The following CPXM2 variants were observed in gnomAD, a reference collection of about 807,000 sequenced individuals.
CPXM2 encodes the protein carboxypeptidase X, M14 family member 2.
Under a neutral mutation model 86.1 loss-of-function variants are expected in CPXM2, and 66 were observed. That is an observed-to-expected ratio of 0.77 (90% CI 0.63 to 0.94). The LOEUF (loss-of-function observed/expected upper bound fraction) is 0.94, where lower values mean the gene tolerates loss of function less well. Ranked by LOEUF, CPXM2 falls within the 40% of genes least tolerant of loss-of-function variation. The pLI, the probability that CPXM2 is intolerant of heterozygous loss-of-function variation, is 0.00. For synonymous variants in CPXM2, 388 were observed against 400.2 expected (o/e 0.97, Z 0.36); for missense variants, 948 against 1,026.3 (o/e 0.92, Z 1.04).
In CPXM2 at chr10:123,844,067, T is replaced by C. The variant is rs1470801605; in HGVS notation, c.514-1579A>G. ...GAGAGCTCTTCCCAAAGATGACTCA[T>C]TGGGAAGTGACAGCCACCTCTGCAA... On this transcript the variant is annotated intron_variant, in intron 3 of 13. Transcript: ENST00000241305. 2.6e-5 allele frequency among the ~76,000 whole-genome samples: 4 copies of C among 152,110 alleles called. No individual in the cohort carries two copies. In the South Asian group the frequency reaches 8.3e-4, roughly 32 times the overall value.
At chr10:123,792,834 G>A (rs536873443) in intron 6 of CPXM2, among the ~76,000 whole-genome samples, 2 of 152,198 alleles carry the variant, frequency 1.3e-5, no homozygotes, top group East Asian at 3.9e-4. Context: ...CACACAAATC[G>A]GCATCAGTGG....
chr10:123,933,408 C>T (rs1056774353), intron 2 of CPXM2, among the ~76,000 whole-genome samples: 2 of 152,152 alleles, frequency 1.3e-5, no homozygotes, highest in African/African-American at 4.8e-5. Context: ...AATGATGTCA[C>T]CATATTTGAA....
At chr10:123,774,094 A>G (rs1453051388) in intron 7 of CPXM2, among the ~76,000 whole-genome samples, 3 of 152,176 alleles carry the variant, frequency 2.0e-5, no homozygotes, top group Admixed American at 2.0e-4. Context: ...ACCATGCAGT[A>G]AGGGCCAGAG....
chr10:123,907,690 CCCT>C (rs139650642), intron 2 of CPXM2, among the ~76,000 whole-genome samples: 9,870 of 136,124 alleles, frequency 0.073, 455 homozygotes, highest in Non-Finnish European at 0.093. Context: ...TAGATGCCCC[CCCT>C]CCCACAAGTT....
chr10:123,850,808 T>C (rs868309646), intron 3 of CPXM2, among the ~76,000 whole-genome samples: 2 of 152,152 alleles, frequency 1.3e-5, no homozygotes, highest in Admixed American at 6.5e-5. Context: ...GAAATTGTGG[T>C]GAAAGAAAAA....
At chr10:123,922,589 G>A (rs925012385) in intron 2 of CPXM2, among the ~76,000 whole-genome samples, 3 of 152,188 alleles carry the variant, frequency 2.0e-5, no homozygotes, top group African/African-American at 4.8e-5. Context: ...CCCTGAGTTT[G>A]CATAAGCAAA....
intron 4 of CPXM2, among the ~76,000 whole-genome samples, chr10:123,799,822 TG>T (rs750234337): frequency 6.6e-6 from 1 of 152,120 alleles, no homozygotes; most frequent in Non-Finnish European, 1.5e-5. Flanking sequence ...CAGAAATTTC[TG>T]GGGGTAAATT....
intron 2 of CPXM2, chr10:123,913,709 T>A: frequency 4.9e-6 from 1 of 206,148 alleles, no homozygotes; most frequent in East Asian, 1.3e-4. Flanking sequence ...AGACGAGGGG[T>A]GGGGAGCGAG....
intron 2 of CPXM2, among the ~76,000 whole-genome samples, chr10:123,870,418 G>T (rs534780974): frequency 2.6e-5 from 4 of 152,166 alleles, no homozygotes; most frequent in African/African-American, 9.7e-5. Flanking sequence ...GCGCTGCCAA[G>T]AACAAACTCA....
intron 10 of CPXM2, 32 bp downstream of exon 10, chr10:123,766,941 C>A: frequency 6.3e-7 from 1 of 1,576,828 alleles, no homozygotes; most frequent in Non-Finnish European, 8.7e-7. Flanking sequence ...TTGCCTTTGG[C>A]TGCTTTACAG....
At chr10:123,876,732 G>T (rs1031098054) in intron 2 of CPXM2, among the ~76,000 whole-genome samples, 2 of 152,156 alleles carry the variant, frequency 1.3e-5, no homozygotes, top group African/African-American at 4.8e-5. Context: ...AAGTTTGCCA[G>T]CCCCTGTTCT....
intron 4 of CPXM2, among the ~76,000 whole-genome samples, chr10:123,827,368 C>T (rs756947482): frequency 6.6e-5 from 10 of 152,032 alleles, no homozygotes; most frequent in Non-Finnish European, 1.5e-4. Context: ...GATTGCCCAC[C>T]AAAAGTAAAC....
At chr10:123,920,565 G>T (rs1945571685) in intron 2 of CPXM2, among the ~76,000 whole-genome samples, 3 of 152,174 alleles carry the variant, frequency 2.0e-5, no homozygotes. Flanking sequence ...TGTTTTTAGT[G>T]ACTTCTTTTG....
chr10:123,799,275 G>C, intron 4 of CPXM2, 76 bp from the exon 5 acceptor site: 1 of 1,573,306 alleles, frequency 6.4e-7, no homozygotes, highest in Non-Finnish European at 8.7e-7. Flanking sequence ...TTAGAAGTGA[G>C]GAGAGCAGGT....
At chr10:123,784,152 C>T (rs1846998673) in intron 6 of CPXM2, among the ~76,000 whole-genome samples, 1 of 152,136 alleles carries the variant, frequency 6.6e-6, no homozygotes, top group Non-Finnish European at 1.5e-5. Context: ...AGTGAGTCCT[C>T]ATCTGATAGG....
intron 2 of CPXM2, among the ~76,000 whole-genome samples, chr10:123,878,506 C>CGTGTGTGTGTGTGTGTGT (rs200009107): frequency 3.7e-5 from 5 of 134,800 alleles, no homozygotes; most frequent in Non-Finnish European, 4.7e-5. Context: ...CAAATTCAGA[C>CGTGTGTGTGTGTGTGTGT]GTGTGTGTGT....
At chr10:123,757,512 C>A (rs1031227580) in intron 11 of CPXM2, among the ~76,000 whole-genome samples, 160 bp from the exon 12 acceptor site, 1 of 152,154 alleles carries the variant, frequency 6.6e-6, no homozygotes, top group African/African-American at 2.4e-5. Context: ...TGCATTAGAG[C>A]AAATGTGTGT....
chr10:123,775,834 A>G (rs1242832060), intron 7 of CPXM2, among the ~76,000 whole-genome samples: 1 of 152,336 alleles, frequency 6.6e-6, no homozygotes, highest in South Asian at 2.1e-4. Context: ...AGTGGCTACC[A>G]GCACCATCAA....
intron 2 of CPXM2, among the ~76,000 whole-genome samples, chr10:123,905,401 C>T (rs1035876359): frequency 2.0e-5 from 3 of 152,178 alleles, no homozygotes; most frequent in East Asian, 1.9e-4. Flanking sequence ...GCCACTTTGG[C>T]TCTCGGGATG....
Sources: gnomAD v4.1 joint callset for allele counts (sites outside exome capture counted in the v4.1 genomes callset) on GRCh38, gnomAD v4.1.1 for gene constraint, MANE v1.5 for transcripts, NCBI Gene and HGNC (gene_info 2026-07-23, HGNC 2026-07-21) for gene names.